Variants in THBS4 observed in about 807,000 individuals in gnomAD.
The protein encoded by THBS4 is thrombospondin-4.
Under a neutral mutation model 115.7 loss-of-function variants are expected in THBS4, and 90 were observed. The observed-to-expected ratio is 0.78, with a 90% CI of 0.66 to 0.93. The LOEUF (loss-of-function observed/expected upper bound fraction) is 0.93. Among genes scored for constraint, THBS4 ranks in the 40% least tolerant of loss-of-function variants. The probability of loss-of-function intolerance (pLI) is 0.00; values close to 1 mark genes in which losing one functional copy is unlikely to be tolerated. For synonymous variants in THBS4, 460 were observed against 479.3 expected, an observed-to-expected ratio of 0.96 and a Z score of 0.53; for missense variants, 1,087 against 1,232.7, an observed-to-expected ratio of 0.88 and a Z score of 1.77.
chr5:80,058,071 T>C, intron 3 of THBS4, 135 bp from the exon 4 acceptor site: 1 of 639,194 alleles, frequency 1.6e-6, no homozygotes, highest in African/African-American at 1.8e-5. Flanking sequence ...AAAAATGTGA[T>C]CCTACAAAAT....
chr5:80,027,335 T>C (rs142884047), intron 2 of THBS4, among the ~76,000 whole-genome samples: 7 of 152,116 alleles, frequency 4.6e-5, no homozygotes, highest in Middle Eastern at 3.4e-3. Flanking sequence ...TTAGATGATA[T>C]CATGTAAAGA....
Position 80,073,267 on chromosome 5 carries a change from C to G in THBS4, c.1840-8C>G. The G allele has an allele frequency of 6.2e-7, 1 of 1,613,990 alleles. No homozygotes were observed. Among genetic ancestry groups the G allele is most frequent in the Non-Finnish European group, 8.5e-7 (1 of 1,179,938 alleles). ...AGGAATAAATAACATGTGCTGTTCT[C>G]TTTGCAGTCTGATGTGGATAATGAT... On this transcript the variant is annotated splice_region_variant and splice_polypyrimidine_tract_variant and intron_variant, in intron 14 of 21. Coordinates refer to ENST00000350881, the MANE Select transcript of THBS4 (RefSeq NM_003248.6).
chr5:80,004,798 C>T (rs1029546891), intron 2 of THBS4, among the ~76,000 whole-genome samples: 6 of 151,996 alleles, frequency 3.9e-5, no homozygotes, highest in African/African-American at 9.7e-5. Flanking sequence ...AGTGCAGTGG[C>T]GTGATCTTGG....
chr5:80,046,603 T>C lies in THBS4; in HGVS notation c.292+6323T>C, dbSNP rs556752096. ...TTACTAAGAATAAATCATGCCAAAC[T>C]TTTTTTTTTCAGTAAAGTTTCAAAG... On this transcript the variant is annotated intron_variant, in intron 2 of 21. Transcript: ENST00000350881. Among the ~76,000 whole-genome samples, 257 of 150,226 alleles carry C rather than the reference T, an allele frequency of 1.7e-3. 1 individual carries two copies. The highest frequency in any genetic ancestry group is 6.0e-3 in the African/African-American group (246 of 40,946).
intron 2 of THBS4, among the ~76,000 whole-genome samples, chr5:80,002,745 GAAA>G (rs56899578): frequency 1.0e-5 from 1 of 100,382 alleles, no homozygotes; most frequent in African/African-American, 4.0e-5. Flanking sequence ...CCAGAAGGGA[GAAA>G]AAAAAAAAAA....
Position 80,083,191 on chromosome 5 carries a change from A to C in THBS4, c.*50A>C. 1 of 1,498,102 alleles carries C rather than the reference A, an allele frequency of 6.7e-7. No homozygotes were observed. Among genetic ancestry groups the C allele is most frequent in the Non-Finnish European group, 9.3e-7 (1 of 1,075,120 alleles). The allele number at this position is 1,498,102 out of a possible 1,614,324, so 92.8% of individuals were successfully genotyped here. On this transcript the variant is annotated 3_prime_UTR_variant, in exon 22 of 22. Transcript: ENST00000350881. ...TTTTCGGAACACTAAAACCATATAT[A>C]TTTTAACTTCAATTTTCTTTAGCTT...
intron 2 of THBS4, among the ~76,000 whole-genome samples, chr5:80,005,214 G>A (rs1346187379): frequency 6.6e-6 from 1 of 152,066 alleles, no homozygotes; most frequent in Non-Finnish European, 1.5e-5. Flanking sequence ...GTGCCTTAAT[G>A]CTACTAAACA....
At chr5:80,036,292 A>G in intron 1 of THBS4, 1 of 718,066 alleles carries the variant, frequency 1.4e-6, no homozygotes, top group Non-Finnish European at 1.7e-6. Context: ...ACAGAAAAGC[A>G]AATACCATGT....
intron 10 of THBS4, among the ~76,000 whole-genome samples, chr5:80,069,522 G>A (rs1356371535): frequency 3.9e-5 from 6 of 152,230 alleles, no homozygotes; most frequent in African/African-American, 1.4e-4. Context: ...GATGGGTGAT[G>A]GGGCTCTTAA....
Position 80,072,294 on chromosome 5 carries a change from G to T in THBS4, c.1737G>T (p.Leu579=). ...TTCTCACAGGAATAAAAAACATTCT[G>T]GACAACTGCCCAAAATTTCCCAATC... ...DMDGDGIKNI[L]DNCPKFPNRD... The change falls in exon 14 of 22, where the codon CTG becomes CTT. Residue 579 remains leucine (L), a synonymous_variant. Transcript: ENST00000350881. 6 of 1,614,068 alleles carry T rather than the reference G, an allele frequency of 3.7e-6. No homozygotes were observed. The South Asian group carries it at 6.6e-5, about 18-fold the overall frequency.
intron 10 of THBS4, chr5:80,068,446 G>A: frequency 7.0e-6 from 2 of 284,808 alleles, no homozygotes; most frequent in Non-Finnish European, 1.3e-5. Context: ...CAGCAGGGAG[G>A]TGAAGGAACA....
In THBS4 at chr5:80,078,128, C is replaced by T. The variant is rs763493033; in HGVS notation, c.2166C>T (p.Asn722=). 15 of 1,612,620 alleles carry T rather than the reference C, an allele frequency of 9.3e-6. No homozygotes were observed. Among genetic ancestry groups the T allele is most frequent in the South Asian group, 3.3e-5 (3 of 90,764 alleles). ...ATCGGATCGACGTCTGCCCAGAGAA[C>T]GCAGAGGTCACCCTGACCGACTTCA... ...VIDRIDVCPE[N]AEVTLTDFRA... Residue 722 remains asparagine (N), a synonymous_variant, in exon 17 of 22, where the codon AAC becomes AAT. Transcript: ENST00000350881.
chr5:80,041,128 C>T (rs1490322823), intron 2 of THBS4, among the ~76,000 whole-genome samples: 1 of 152,202 alleles, frequency 6.6e-6, no homozygotes, highest in Non-Finnish European at 1.5e-5. Flanking sequence ...CAGGGACAGA[C>T]ATACCATATC....
At chr5:80,032,785 T>C (rs1331554415), upstream of THBS4, among the ~76,000 whole-genome samples, 1 of 152,186 alleles carries the variant, frequency 6.6e-6, no homozygotes, top group Admixed American at 6.5e-5. Context: ...AGATGGTGCC[T>C]ACCCAGATTG....
upstream of THBS4, among the ~76,000 whole-genome samples, chr5:80,034,437 G>A (rs919767163): frequency 1.3e-5 from 2 of 152,168 alleles, no homozygotes; most frequent in African/African-American, 2.4e-5. Flanking sequence ...TCCATTAGTC[G>A]AGATTGTTAC....
chr5:80,053,676 A>G (rs1833325223), intron 2 of THBS4, among the ~76,000 whole-genome samples: 1 of 152,176 alleles, frequency 6.6e-6, no homozygotes, highest in Non-Finnish European at 1.5e-5. Flanking sequence ...ATTTGCAATT[A>G]GCCTCCGACC....
At position 80,046,703 on chromosome 5, in the gene THBS4, A is replaced by T. The variant is rs541508291; in HGVS notation, c.292+6423A>T. Among the ~76,000 whole-genome samples, 12 of 152,316 alleles carry T rather than the reference A, an allele frequency of 7.9e-5. No homozygotes were observed. The South Asian group carries it at 2.5e-3, about 32-fold the overall frequency. ...AAAGAATTGGATGAAGTCGCTTATT[A>T]TACCTTTCTAAATAATATAAAAAAG... On this transcript the variant is annotated intron_variant, in intron 2 of 21. Transcript: ENST00000350881.
chr5:80,035,589 CG>C lies in THBS4; in HGVS notation c.54del (p.Trp19GlyfsTer2). 7.0e-7 allele frequency: 1 copy of C among 1,433,130 alleles called. No homozygotes were observed. Among genetic ancestry groups the C allele is most frequent in the South Asian group, 1.4e-5 (1 of 69,304 alleles). 88.8% of individuals were successfully genotyped at this position (1,433,130 alleles called of 1,614,324 possible). A position where few individuals can be genotyped will look rare whatever the true frequency, so the allele number is the denominator to read the frequency against. On this transcript the variant is annotated frameshift_variant, in exon 1 of 22. Transcript: ENST00000350881. LOFTEE classifies it high-confidence loss of function. This position sits in a 1 kb window ranked among gnomAD's most constrained non-coding sequence, Gnocchi z 4.6. ...AVLLLHLVLQ[R>X]WLAAGAQATP... ...CCTCCTGCTGCACCTGGTCCTGCAGCGGTGGCTAGCGGCAGGCGCCCAGGCC... is the reference window on the plus strand; with the variant it reads ...CCTCCTGCTGCACCTGGTCCTGCAGCGTGGCTAGCGGCAGGCGCCCAGGCC...
chr5:80,030,323 C>T (rs371347013), intron 2 of THBS4, among the ~76,000 whole-genome samples: 12 of 152,124 alleles, frequency 7.9e-5, no homozygotes, highest in South Asian at 6.2e-4. Flanking sequence ...CCCCAGCCTC[C>T]CAAGTTCCTG....
Sources: gnomAD v4.1 joint callset for allele counts (sites outside exome capture counted in the v4.1 genomes callset) on GRCh38, gnomAD v4.1.1 for gene constraint, Gnocchi (gnomAD v3.1) non-coding constraint, MANE v1.5 for transcripts, NCBI Gene and HGNC (gene_info 2026-07-23, HGNC 2026-07-21) for gene names.